MSRA: variants seen among roughly 807,000 people sequenced by gnomAD.
MSRA encodes the protein mitochondrial peptide methionine sulfoxide reductase.
Under a neutral mutation model 31.3 loss-of-function variants are expected in MSRA, and 54 were observed. The ratio of observed to expected loss-of-function variants is 1.73; its 90% CI spans 1.39 to 2.17. The LOEUF (loss-of-function observed/expected upper bound fraction) is 2.17. Ranked by LOEUF, MSRA falls within the 30% of genes most tolerant of loss-of-function variation. The pLI is 0.00. For missense variants in MSRA, 507 were observed against 300.9 expected (o/e 1.69, Z -5.07); for synonymous variants, 169 against 116.5 (o/e 1.45, Z -2.90).
At chr8:10,192,044 C>G (rs1015072165) in intron 1 of MSRA, among the ~76,000 whole-genome samples, 1 of 152,082 alleles carries the variant, frequency 6.6e-6, no homozygotes, top group Non-Finnish European at 1.5e-5. Context: ...TGGCAAGCCT[C>G]CGTTTCCTGC....
Position 10,280,079 on chromosome 8 carries a change from T to C in MSRA, c.332-21455T>C, listed in dbSNP as rs1157612566. Among the ~76,000 whole-genome samples the C allele has an allele frequency of 3.3e-5, 5 of 152,244 alleles. No homozygotes were observed. In the East Asian group the frequency reaches 9.6e-4, roughly 29 times the overall value. ...GGCCAACTTTGGGAAGTTATATTTTTCTAAGAAATTTTTGACGTGAAGTTT... is the reference window on the plus strand; with the variant it reads ...GGCCAACTTTGGGAAGTTATATTTTCCTAAGAAATTTTTGACGTGAAGTTT... On this transcript the variant is annotated intron_variant, in intron 3 of 5. Transcript: ENST00000317173.
intron 3 of MSRA, among the ~76,000 whole-genome samples, chr8:10,295,916 C>A (rs867596608): frequency 1.3e-5 from 2 of 152,200 alleles, no homozygotes; most frequent in Admixed American, 1.3e-4. Flanking sequence ...TCAGCTCTTG[C>A]TCCTGTAGCC....
At chr8:10,312,228 G>A (rs1363277865) in intron 4 of MSRA, among the ~76,000 whole-genome samples, 2 of 152,008 alleles carry the variant, frequency 1.3e-5, no homozygotes, top group African/African-American at 4.8e-5. Flanking sequence ...GCCAAGAGTC[G>A]ATATTTCACA....
intron 1 of MSRA, among the ~76,000 whole-genome samples, chr8:10,182,529 G>A (rs1049022846): frequency 3.9e-5 from 6 of 152,156 alleles, no homozygotes; most frequent in African/African-American, 7.2e-5. Context: ...AGGCTCACTT[G>A]TGTGGTTGTT....
chr8:10,213,570 G>C (rs1369814513), intron 2 of MSRA, among the ~76,000 whole-genome samples: 2 of 151,142 alleles, frequency 1.3e-5, no homozygotes. Context: ...CCGAGTAGCT[G>C]GGATGACAGG....
chr8:10,427,359 C>T (rs1349409014), intron 5 of MSRA, among the ~76,000 whole-genome samples: 1 of 152,176 alleles, frequency 6.6e-6, no homozygotes, highest in African/African-American at 2.4e-5. Flanking sequence ...TCTCCTGCCC[C>T]AAATAGCCCC....
At chr8:10,383,986 A>T (rs982585425) in intron 5 of MSRA, among the ~76,000 whole-genome samples, 10 of 152,224 alleles carry the variant, frequency 6.6e-5, no homozygotes, top group African/African-American at 2.4e-4. Context: ...AGCCACATTC[A>T]CGTTCTGATG....
intron 3 of MSRA, among the ~76,000 whole-genome samples, chr8:10,286,122 G>A (rs1280476994): frequency 6.6e-6 from 1 of 152,112 alleles, no homozygotes; most frequent in Non-Finnish European, 1.5e-5. Flanking sequence ...AAGCCATCCT[G>A]TCCATTCTAG....
intron 4 of MSRA, among the ~76,000 whole-genome samples, chr8:10,315,371 G>A (rs1280660000): frequency 6.6e-6 from 1 of 152,222 alleles, no homozygotes; most frequent in Non-Finnish European, 1.5e-5. Flanking sequence ...GTCATCAATA[G>A]AGACACATGG....
At chr8:10,354,493 A>T (rs1459128049) in intron 5 of MSRA, among the ~76,000 whole-genome samples, 1 of 152,218 alleles carries the variant, frequency 6.6e-6, no homozygotes, top group Non-Finnish European at 1.5e-5. Flanking sequence ...AGGTAAGACA[A>T]TAATAGTACC....
At chr8:10,397,650 G>A (rs1165444757) in intron 5 of MSRA, among the ~76,000 whole-genome samples, 1 of 152,146 alleles carries the variant, frequency 6.6e-6, no homozygotes, top group Admixed American at 6.5e-5. Flanking sequence ...CTTTGGAATT[G>A]GAAGACTCTC....
chr8:10,219,256 G>A (rs576529455), intron 2 of MSRA, among the ~76,000 whole-genome samples: 8 of 152,252 alleles, frequency 5.3e-5, no homozygotes, highest in African/African-American at 1.4e-4. Context: ...GCTTAATATC[G>A]TGAATGAGTT....
chr8:10,351,245 C>CTTTTTTT (rs71203317), intron 5 of MSRA, among the ~76,000 whole-genome samples: 5 of 56,806 alleles, frequency 8.8e-5, no homozygotes, highest in African/African-American at 1.4e-4. Flanking sequence ...CTGAAGGAGA[C>CTTTTTTT]TTTTTTTTTT....
intron 3 of MSRA, chr8:10,250,475 T>A (rs978123355): frequency 1.4e-6 from 1 of 702,390 alleles, no homozygotes; most frequent in East Asian, 2.7e-5. Context: ...TTTAGAAATC[T>A]GCACAGCCAA....
At chr8:10,168,978 C>T (rs1412167169) in intron 1 of MSRA, among the ~76,000 whole-genome samples, 4 of 152,158 alleles carry the variant, frequency 2.6e-5, no homozygotes, top group African/African-American at 4.8e-5. Flanking sequence ...CTATGAGGCA[C>T]GGGCAGGTCT....
intron 5 of MSRA, among the ~76,000 whole-genome samples, chr8:10,390,556 G>A (rs576729131): frequency 6.6e-6 from 1 of 152,316 alleles, no homozygotes; most frequent in East Asian, 1.9e-4. Flanking sequence ...AAGACTTCTA[G>A]TGAAATCGTC....
At chr8:10,185,245 G>A (rs564425348) in intron 1 of MSRA, among the ~76,000 whole-genome samples, 8 of 152,168 alleles carry the variant, frequency 5.3e-5, no homozygotes, top group Non-Finnish European at 4.4e-5. Flanking sequence ...TATGCATCAC[G>A]ACTGGGGCTT....
At chr8:10,182,230 T>C (rs551627725) in intron 1 of MSRA, among the ~76,000 whole-genome samples, 1 of 152,322 alleles carries the variant, frequency 6.6e-6, no homozygotes, top group Admixed American at 6.5e-5. Flanking sequence ...TTTATTTGAC[T>C]TACAGAATGA....
chr8:10,054,778 G>A, intron 1 of MSRA, 120 bp downstream of exon 1: 3 of 1,179,952 alleles, frequency 2.5e-6, no homozygotes, highest in Non-Finnish European at 3.3e-6. Flanking sequence ...GGGTCGCGGG[G>A]TGGGGGTCTG....
Sources: gnomAD v4.1 joint callset for allele counts (sites outside exome capture counted in the v4.1 genomes callset) on GRCh38, gnomAD v4.1.1 for gene constraint, MANE v1.5 for transcripts, NCBI Gene and HGNC (gene_info 2026-07-23, HGNC 2026-07-21) for gene names.